Variants in MCM10 observed in about 807,000 individuals in gnomAD.
The protein encoded by MCM10 is protein MCM10 homolog.
In MCM10, 91 loss-of-function variants were observed where a neutral mutation model predicts 109.9. The ratio of observed to expected loss-of-function variants is 0.83; its 90% CI spans 0.70 to 0.99. The LOEUF is 0.99. Ranked by LOEUF, MCM10 falls within the 50% of genes least tolerant of loss-of-function variation. The pLI, the probability that MCM10 is intolerant of heterozygous loss-of-function variation, is 0.00. For missense variants in MCM10, 1,077 were observed against 1,061.2 expected (o/e 1.01, Z -0.21); for synonymous variants, 380 against 387.2 (o/e 0.98, Z 0.22).
At chr10:13,192,596 G>A (rs370840016) in intron 13 of MCM10, 28 bp downstream of exon 13, 7 of 1,599,888 alleles carry the variant, frequency 4.4e-6, no homozygotes, top group East Asian at 2.2e-5. Flanking sequence ...AATATTCCCC[G>A]CTTGGGTCAT....
In MCM10 at chr10:13,201,442, C is replaced by T. The variant is rs368573448; in HGVS notation, c.2260C>T (p.Arg754Cys). 42 of 1,612,344 alleles carry T rather than the reference C, an allele frequency of 2.6e-5. No homozygotes were observed. The highest frequency in any genetic ancestry group is 2.2e-4 in the South Asian group (20 of 90,748). Residue 754 changes from arginine (R) to cysteine (C), a missense_variant, in exon 17 of 20, where the codon CGC becomes TGC. By Grantham distance (180) the Arg-to-Cys change is radical. Coordinates refer to ENST00000378714, the MANE Select transcript of MCM10 (RefSeq NM_018518.5). ...CCAGGCCGAGGCTGAGATGCAGGAG[C>T]GCTACTTTGAGCCACTGGTGAAAAA... Reference protein sequence around the residue: ...LKEAEAEMQERYFEPLVKKEQ... With the variant: ...LKEAEAEMQECYFEPLVKKEQ...
At position 13,182,196 on chromosome 10, in the gene MCM10, A is replaced by T. The variant is rs1196776127; in HGVS notation, c.931-737A>T. On this transcript the variant is annotated intron_variant, in intron 7 of 19. Transcript: ENST00000378714. This position sits in a 1 kb window ranked among gnomAD's most constrained non-coding sequence, Gnocchi z 4.2. ...TTCATATTAATAATAGACTTAGGCT[A>T]GGCTTGGTGGCTCACGTCTGTAACC... 1.3e-5 allele frequency among the ~76,000 whole-genome samples: 2 copies of T among 152,190 alleles called. No homozygotes were observed. Among genetic ancestry groups the T allele is most frequent in the Admixed American group, 6.6e-5 (1 of 15,266 alleles).
At chr10:13,187,855 C>T (rs1320097087) in intron 9 of MCM10, among the ~76,000 whole-genome samples, 1 of 152,058 alleles carries the variant, frequency 6.6e-6, no homozygotes, top group African/African-American at 2.4e-5. Flanking sequence ...TCTTAAAAAT[C>T]CATTGTCTGG....
chr10:13,174,448 A>T (rs777973825), intron 5 of MCM10, among the ~76,000 whole-genome samples: 7 of 152,116 alleles, frequency 4.6e-5, no homozygotes, highest in Non-Finnish European at 1.0e-4. Context: ...AATCTCCACT[A>T]ATTACTCATT....
chr10:13,204,146 C>G (rs1564394425), intron 17 of MCM10, 73 bp from the exon 18 acceptor site: 4 of 1,556,544 alleles, frequency 2.6e-6, no homozygotes, highest in East Asian at 4.5e-5. Flanking sequence ...GAGCAGATTG[C>G]CCTTACTGCA....
intron 2 of MCM10, among the ~76,000 whole-genome samples, chr10:13,164,778 G>A (rs1833972617): frequency 6.6e-6 from 1 of 152,158 alleles, no homozygotes; most frequent in South Asian, 2.1e-4. Flanking sequence ...ATTGTGCTGG[G>A]CTGGACGCAG....
At chr10:13,202,401 G>A (rs148226938) in intron 17 of MCM10, among the ~76,000 whole-genome samples, 187 of 152,230 alleles carry the variant, frequency 1.2e-3, no homozygotes, top group African/African-American at 4.2e-3. Context: ...GCTGAACACT[G>A]TTCCTTCCAT....
At chr10:13,162,272 G>A (rs1833936676) in intron 1 of MCM10, among the ~76,000 whole-genome samples, 1 of 151,518 alleles carries the variant, frequency 6.6e-6, no homozygotes, top group Non-Finnish European at 1.5e-5. Context: ...TGAGGGAGTA[G>A]AAAGCTTGGA....
chr10:13,173,257 A>T (rs1217058224), intron 5 of MCM10, among the ~76,000 whole-genome samples: 6 of 148,470 alleles, frequency 4.0e-5, no homozygotes, highest in Admixed American at 1.3e-4. Context: ...AACAGGTTGA[A>T]TTTTTTTTTT....
intron 11 of MCM10, among the ~76,000 whole-genome samples, chr10:13,191,728 C>G (rs1347886087): frequency 6.6e-6 from 1 of 152,102 alleles, no homozygotes; most frequent in Non-Finnish European, 1.5e-5. Context: ...AAAAAAACAG[C>G]ATATTGATTT....
rs992194622 is a variant in MCM10, at chr10:13,195,771, C to T, written c.1974+502C>T. ...GACTACAGGCGCCTACCACCACGCC[C>T]GGCTAATTTTTAGTAGAGACATGGT... On this transcript the variant is annotated intron_variant, in intron 14 of 19. Coordinates refer to ENST00000378714, the MANE Select transcript of MCM10 (RefSeq NM_018518.5). Among the ~76,000 whole-genome samples, 7 of 150,944 alleles carry T rather than the reference C, an allele frequency of 4.6e-5. No individual in the cohort carries two copies. In the East Asian group the frequency reaches 1.2e-3, roughly 25 times the overall value.
intron 7 of MCM10, among the ~76,000 whole-genome samples, chr10:13,180,953 G>A (rs551809548): frequency 1.3e-5 from 2 of 152,298 alleles, no homozygotes; most frequent in African/African-American, 4.8e-5. Context: ...TGAGCTCACC[G>A]ATTCTTTGGA....
intron 8 of MCM10, among the ~76,000 whole-genome samples, chr10:13,185,190 C>G (rs1009818179): frequency 3.9e-5 from 6 of 152,124 alleles, no homozygotes; most frequent in Admixed American, 1.3e-4. Context: ...GCTCATGGCT[C>G]TCTTCACCCT....
At chr10:13,186,817 C>T (rs1282793853) in intron 9 of MCM10, among the ~76,000 whole-genome samples, 1 of 152,052 alleles carries the variant, frequency 6.6e-6, no homozygotes, top group African/African-American at 2.4e-5. Context: ...CATGGTGAAA[C>T]CCCATCTCTA....
Position 13,194,256 on chromosome 10 carries a change from G to A in MCM10, c.1746-785G>A, listed in dbSNP as rs78945747. Among the ~76,000 whole-genome samples the A allele has an allele frequency of 7.2e-3, 1,089 of 152,296 alleles. 11 individuals are homozygous for A. The highest frequency in any genetic ancestry group is 0.024 in the African/African-American group (1,004 of 41,560). On this transcript the variant is annotated intron_variant, in intron 13 of 19. Coordinates refer to ENST00000378714, the MANE Select transcript of MCM10 (RefSeq NM_018518.5). ...GTGCACACTGTGGACCCAGCTACTC[G>A]GGAGGCTGAGGTGGGAGGATCACCT... is the stretch of plus-strand genomic sequence containing the variant.
At chr10:13,164,357 C>T (rs1833967355) in intron 2 of MCM10, 148 bp downstream of exon 2, 1 of 599,304 alleles carries the variant, frequency 1.7e-6, no homozygotes, top group Non-Finnish European at 2.7e-6. Context: ...TCTCACATCT[C>T]ACAGAGGTCA....
At chr10:13,177,330 C>T (rs183483926) in intron 6 of MCM10, among the ~76,000 whole-genome samples, 3 of 152,216 alleles carry the variant, frequency 2.0e-5, no homozygotes, top group Admixed American at 6.5e-5. Flanking sequence ...CGACACAGGT[C>T]GAGGGTCCCT....
intron 6 of MCM10, among the ~76,000 whole-genome samples, chr10:13,177,805 G>A (rs915120467): frequency 1.3e-5 from 2 of 150,568 alleles, no homozygotes; most frequent in Non-Finnish European, 2.9e-5. Context: ...GGCCAAGATT[G>A]TGCCACTGCG....
chr10:13,207,456 T>A (rs559931073), intron 18 of MCM10, among the ~76,000 whole-genome samples: 2 of 152,182 alleles, frequency 1.3e-5, no homozygotes, highest in African/African-American at 4.8e-5. Context: ...TGGGAGGTTG[T>A]AAGGGCTAAG....
Sources: allele counts gnomAD v4.1 joint callset (sites outside exome capture counted in the v4.1 genomes callset), GRCh38; gene constraint gnomAD v4.1.1; non-coding constraint Gnocchi (gnomAD v3.1); transcripts MANE v1.5; gene names NCBI Gene and HGNC (gene_info 2026-07-23, HGNC 2026-07-21).